The following TMEM132D variants were observed in gnomAD, a reference collection of about 807,000 sequenced individuals.
TMEM132D encodes the protein mature OL transmembrane protein.
TMEM132D carries 21 observed loss-of-function variants against 62.3 expected under a neutral mutation model. That is an observed-to-expected ratio of 0.34 (90% CI 0.24 to 0.49). The LOEUF (loss-of-function observed/expected upper bound fraction) is 0.49. Among genes scored for constraint, TMEM132D ranks in the 20% least tolerant of loss-of-function variants. The pLI, the probability that TMEM132D is intolerant of heterozygous loss-of-function variation, is 0.99. For missense variants in TMEM132D, 1,346 were observed against 1,402.8 expected, an observed-to-expected ratio of 0.96 and a Z score of 0.65; for synonymous variants, 621 against 575.6, an observed-to-expected ratio of 1.08 and a Z score of -1.13.
At chr12:129,097,581 T>C (rs1454283759) in intron 5 of TMEM132D, among the ~76,000 whole-genome samples, 1 of 152,228 alleles carries the variant, frequency 6.6e-6, no homozygotes, top group Non-Finnish European at 1.5e-5. Flanking sequence ...AGAAGGGAAA[T>C]GGCCTTAGGC....
At chr12:129,685,888 A>G (rs1268212980) in intron 2 of TMEM132D, among the ~76,000 whole-genome samples, 1 of 152,162 alleles carries the variant, frequency 6.6e-6, no homozygotes, top group Non-Finnish European at 1.5e-5. Flanking sequence ...TTCAAGATTA[A>G]TTACCGCTTC....
At chr12:129,521,181 T>A (rs1875837818) in intron 3 of TMEM132D, 1 of 152,106 alleles carries the variant, frequency 6.6e-6, no homozygotes, top group African/African-American at 2.4e-5. Context: ...CGAATTCAGG[T>A]TATAGGAAAG....
chr12:129,645,991 T>C (rs933191474), intron 2 of TMEM132D, among the ~76,000 whole-genome samples: 5 of 152,132 alleles, frequency 3.3e-5, no homozygotes, highest in Non-Finnish European at 7.4e-5. Flanking sequence ...GAGCATACAG[T>C]CAAGATGCAA....
chr12:129,658,289 T>C (rs1880147294), intron 2 of TMEM132D, among the ~76,000 whole-genome samples: 1 of 152,206 alleles, frequency 6.6e-6, no homozygotes, highest in Non-Finnish European at 1.5e-5. Flanking sequence ...TTAGATAAAG[T>C]AACCTAGAAA....
At chr12:129,616,574 T>C (rs1878923036) in intron 2 of TMEM132D, among the ~76,000 whole-genome samples, 2 of 152,348 alleles carry the variant, frequency 1.3e-5, no homozygotes, top group South Asian at 4.1e-4. Flanking sequence ...GTTACCCCCA[T>C]GCTGCTATTC....
chr12:129,552,346 T>C (rs530131591), intron 2 of TMEM132D, among the ~76,000 whole-genome samples: 30 of 152,332 alleles, frequency 2.0e-4, no homozygotes, highest in African/African-American at 6.7e-4. Context: ...TATCTACTTA[T>C]TATCTATATA....
intron 5 of TMEM132D, chr12:129,208,871 G>A (rs7970426): frequency 0.071 from 10,789 of 152,270 alleles, 725 homozygotes; most frequent in East Asian, 0.3. Flanking sequence ...TCCTCCATCC[G>A]TCTCCCAGGG....
chr12:129,230,263 C>G (rs190509915), intron 4 of TMEM132D, among the ~76,000 whole-genome samples: 3 of 147,798 alleles, frequency 2.0e-5, no homozygotes, highest in African/African-American at 7.7e-5. Context: ...GTGTAGGGGT[C>G]TCCCCAGCCT....
At chr12:129,677,304 C>T (rs118020194) in intron 2 of TMEM132D, among the ~76,000 whole-genome samples, 3,171 of 152,250 alleles carry the variant, frequency 0.021, 160 homozygotes, top group East Asian at 0.11. Flanking sequence ...CCTCCACAAG[C>T]TCTCTCTTTG....
intron 1 of TMEM132D, among the ~76,000 whole-genome samples, chr12:129,838,030 AC>A (rs1873061616): frequency 6.6e-6 from 1 of 152,212 alleles, no homozygotes; most frequent in African/African-American, 2.4e-5. Flanking sequence ...TAGCTGCCCC[AC>A]CAAACAACGA....
chr12:129,479,606 C>T (rs2137052419), intron 3 of TMEM132D, among the ~76,000 whole-genome samples: 1 of 152,280 alleles, frequency 6.6e-6, no homozygotes, highest in South Asian at 2.1e-4. Context: ...CAGAAAAGAA[C>T]ATGATAAATA....
chr12:129,238,244 A>T (rs1463847066), intron 4 of TMEM132D, among the ~76,000 whole-genome samples: 1 of 152,190 alleles, frequency 6.6e-6, no homozygotes, highest in African/African-American at 2.4e-5. Context: ...GGTTTTTAAG[A>T]CTAAAATCTT....
At chr12:129,340,951 A>G (rs1418935427) in intron 3 of TMEM132D, among the ~76,000 whole-genome samples, 3 of 152,200 alleles carry the variant, frequency 2.0e-5, no homozygotes, top group Non-Finnish European at 2.9e-5. Flanking sequence ...GAGTTCCCCA[A>G]TAGTTCATCT....
intron 4 of TMEM132D, among the ~76,000 whole-genome samples, chr12:129,239,079 T>C (rs1879864704): frequency 6.7e-6 from 1 of 149,790 alleles, no homozygotes; most frequent in East Asian, 2.0e-4. Flanking sequence ...TTTTCCCCAA[T>C]GATTAAGGAT....
At chr12:129,205,344 G>GA (rs1281420375) in intron 5 of TMEM132D, among the ~76,000 whole-genome samples, 1 of 63,448 alleles carries the variant, frequency 1.6e-5, no homozygotes, top group Admixed American at 1.6e-4. Context: ...ATGGAAAACA[G>GA]AAAAAAAGCA....
At chr12:129,669,737 TAAAC>T (rs879909254) in intron 2 of TMEM132D, among the ~76,000 whole-genome samples, 73 of 9,900 alleles carry the variant, frequency 7.4e-3, no homozygotes, top group East Asian at 0.041. Flanking sequence ...AATAAATAAA[TAAAC>T]AAACAAACAA....
rs1879112092 is a variant in TMEM132D, at chr12:129,622,903, C to A, written c.968+76907G>T. 2.0e-5 allele frequency among the ~76,000 whole-genome samples: 3 copies of A among 152,178 alleles called. No individual in the cohort carries two copies. The South Asian group carries it at 6.2e-4, about 32-fold the overall frequency. ...CCCTCCTTTAAACTCTCAGTTAAAG[C>A]TAGTGTGGTAAACCTGGTTTTGGCT... On this transcript the variant is annotated intron_variant, in intron 2 of 8. Coordinates refer to ENST00000422113, the MANE Select transcript of TMEM132D (RefSeq NM_133448.3).
chr12:129,319,202 G>A (rs1868594680), intron 4 of TMEM132D, among the ~76,000 whole-genome samples: 1 of 152,150 alleles, frequency 6.6e-6, no homozygotes, highest in South Asian at 2.1e-4. Flanking sequence ...TGCTCCTCTG[G>A]CCACCCTCCC....
intron 3 of TMEM132D, among the ~76,000 whole-genome samples, chr12:129,489,204 G>A (rs906049709): frequency 2.0e-5 from 3 of 152,136 alleles, no homozygotes; most frequent in African/African-American, 7.2e-5. Flanking sequence ...AAGGCAAATT[G>A]GTCTTCTTGA....
Sources: allele counts gnomAD v4.1 joint callset (sites outside exome capture counted in the v4.1 genomes callset), GRCh38; gene constraint gnomAD v4.1.1; transcripts MANE v1.5; gene names NCBI Gene and HGNC (gene_info 2026-07-23, HGNC 2026-07-21).